The following MMRN2 variants were observed in gnomAD, a reference collection of about 807,000 sequenced individuals.
MMRN2 encodes multimerin 2.
Under a neutral mutation model 68.8 loss-of-function variants are expected in MMRN2, and 53 were observed. That is an observed-to-expected ratio of 0.77 (90% CI 0.62 to 0.97). The LOEUF (loss-of-function observed/expected upper bound fraction) is 0.97. MMRN2 is among the 50% of genes least tolerant of loss of function. The pLI is 0.00. For missense variants in MMRN2, 1,266 were observed against 1,259.5 expected (o/e 1.01, Z -0.08); for synonymous variants, 564 against 551.6 (o/e 1.02, Z -0.32).
Position 86,943,667 on chromosome 10 carries a change from G to T in MMRN2, c.1117C>A (p.Leu373Met). ...GAGAGGTTCCTCTGCAGCTGGCCCAGCCTGGCCTGCAGGCTGTCCGGCTCA... is the reference window on the plus strand; with the variant it reads ...GAGAGGTTCCTCTGCAGCTGGCCCATCCTGGCCTGCAGGCTGTCCGGCTCA... Reference protein sequence around the residue: ...RPEPDSLQARLGQLQRNLSEL... With the variant: ...RPEPDSLQARMGQLQRNLSEL... The change falls in exon 6 of 7, where the codon CTG (leucine) becomes ATG (methionine). Residue 373 changes from leucine to methionine, a missense_variant. Transcript: ENST00000372027. This position sits in a 1 kb window ranked among gnomAD's most constrained non-coding sequence, Gnocchi z 4.2. 1 of 1,612,014 alleles carries T rather than the reference G, an allele frequency of 6.2e-7. No individual in the cohort carries two copies. Among genetic ancestry groups the T allele is most frequent in the South Asian group, 1.1e-5 (1 of 91,076 alleles).
intron 6 of MMRN2, among the ~76,000 whole-genome samples, chr10:86,939,816 TGTGTG>T: frequency 7.3e-6 from 1 of 136,592 alleles, no homozygotes; most frequent in South Asian, 2.4e-4. Context: ...GGTGTGTGTG[TGTGTG>T]TGTGTGTGTG....
chr10:86,943,773 C>G lies in MMRN2; in HGVS notation c.1011G>C (p.Leu337Phe). 3.1e-6 allele frequency: 5 copies of G among 1,608,702 alleles called. No individual in the cohort carries two copies. Among genetic ancestry groups the G allele is most frequent in the Non-Finnish European group, 4.2e-6 (5 of 1,179,908 alleles). The change falls in exon 6 of 7, where the codon TTG becomes TTC. Residue 337 changes from leucine (L) to phenylalanine (F), a missense_variant. By Grantham distance (22) the Leu-to-Phe change is conservative. Transcript: ENST00000372027. The surrounding 1 kb of genome is among the most constrained non-coding windows in gnomAD (Gnocchi z 4.2). The part of the protein sequence containing the change: ...SELQADVDTK[L>F]KRLHKAQEAP... ...CCTCCTGAGCCTTGTGCAGCCTCTT[C>G]AATTTGGTGTCCACATCGGCTTGGA...
Position 86,943,289 on chromosome 10 carries a change from A to C in MMRN2, c.1495T>G (p.Leu499Val). 3 of 1,613,606 alleles carry C rather than the reference A, an allele frequency of 1.9e-6. No individual in the cohort carries two copies. The highest frequency in any genetic ancestry group is 2.5e-6 in the Non-Finnish European group (3 of 1,179,990). The change falls in exon 6 of 7, where the codon TTA (leucine) becomes GTA (valine). Residue 499 changes from leucine to valine, a missense_variant. Leu to Val is a conservative substitution (Grantham distance 32). Transcript: ENST00000372027. The surrounding 1 kb of genome is among the most constrained non-coding windows in gnomAD (Gnocchi z 4.2). ...VKDCNCQKLY[L>V]DLDVIREGQR... Reference sequence around the variant, plus strand: ...CCCTCCCGGATGACGTCCAGGTCTAAATAGAGCTTCTGGCAATTGCAGTCC... The same window carrying C: ...CCCTCCCGGATGACGTCCAGGTCTACATAGAGCTTCTGGCAATTGCAGTCC...
rs1280479864 is a variant in MMRN2 at position 86,942,683 on chromosome 10, G to A, written c.2101C>T (p.Leu701Phe). The A allele has an allele frequency of 1.3e-6, 2 of 1,581,900 alleles. No homozygotes were observed. Among genetic ancestry groups the A allele is most frequent in the South Asian group, 1.1e-5 (1 of 89,330 alleles). ...TTGACGTCGTTGCTCAGGCTCTGGA[G>A]CTCCCGCGCCAGCCCGGCCAGGGCG... Reference protein sequence around the residue: ...TTALAGLARELQSLSNDVKNV... With the variant: ...TTALAGLAREFQSLSNDVKNV... Residue 701 changes from leucine to phenylalanine, a missense_variant, in exon 6 of 7, where the codon CTC becomes TTC. By Grantham distance (22) the Leu-to-Phe change is conservative (BLOSUM62 0). Coordinates refer to ENST00000372027, the MANE Select transcript of MMRN2 (RefSeq NM_024756.3).
chr10:86,943,868 G>A lies in MMRN2; in HGVS notation c.916C>T (p.Gln306Ter), dbSNP rs755210826. 1.2e-6 allele frequency: 2 copies of A among 1,613,848 alleles called. No homozygotes were observed. ...CGGTCCTCCACGTCCTGTCGCAGCT[G>A]ACCCACTCTCTGAGTGTTCTCCTGG... ...KVQENTQRVG[Q>*]LRQDVEDRLH... The change falls in exon 6 of 7, where the codon CAG (glutamine) becomes TAG (stop). Residue 306 changes from glutamine (Q) to a stop codon, truncating the protein, a stop_gained. Transcript: ENST00000372027. LOFTEE classifies it high-confidence loss of function. The surrounding 1 kb of genome is among the most constrained non-coding windows in gnomAD (Gnocchi z 4.2).
chr10:86,942,864 G>A lies in MMRN2; in HGVS notation c.1920C>T (p.Ala640=). Residue 640 remains alanine, a synonymous_variant, in exon 6 of 7, where the codon GCC becomes GCT. Transcript: ENST00000372027. Reference sequence around the variant, plus strand: ...GCAGCCCGCTAGCGGCGTCCTGCAGGGCCACGCGGATCTGCTCGTAGCTCA... The same window carrying A: ...GCAGCCCGCTAGCGGCGTCCTGCAGAGCCACGCGGATCTGCTCGTAGCTCA... ...LPLSYEQIRV[A]LQDAASGLQE... 7.1e-7 allele frequency: 1 copy of A among 1,414,126 alleles called. No individual in the cohort carries two copies. Among genetic ancestry groups the A allele is most frequent in the Non-Finnish European group, 9.2e-7 (1 of 1,084,280 alleles). 87.6% of individuals were successfully genotyped at this position (1,414,126 alleles called of 1,614,324 possible). A position where few individuals can be genotyped will look rare whatever the true frequency, so the allele number is the denominator to read the frequency against.
In MMRN2 at chr10:86,943,781, T is replaced by C. The variant is rs752626400; in HGVS notation, c.1003A>G (p.Thr335Ala). Residue 335 changes from threonine (T) to alanine (A), a missense_variant, in exon 6 of 7, where the codon ACC becomes GCC. Transcript: ENST00000372027. The surrounding 1 kb of genome is among the most constrained non-coding windows in gnomAD (Gnocchi z 4.2). ...GCCTTGTGCAGCCTCTTCAATTTGG[T>C]GTCCACATCGGCTTGGAGCTCTGAG... ...SISELQADVD[T>A]KLKRLHKAQE... 41 of 1,608,972 alleles carry C rather than the reference T, an allele frequency of 2.5e-5. No homozygotes were observed. The East Asian group carries it at 9.1e-4, about 36-fold the overall frequency.
intron 6 of MMRN2, among the ~76,000 whole-genome samples, chr10:86,941,827 G>GA (rs1386112769): frequency 4.2e-4 from 57 of 135,264 alleles, no homozygotes; most frequent in East Asian, 6.2e-4. Context: ...AAAAGAAAAA[G>GA]AAAAAAAAAA....
rs948846750 is a variant in MMRN2, at chr10:86,955,741, G to A, written c.164+1637C>T. Among the ~76,000 whole-genome samples the A allele has an allele frequency of 3.9e-5, 6 of 152,322 alleles. No homozygotes were observed. In the East Asian group the frequency reaches 9.7e-4, roughly 25 times the overall value. On this transcript the variant is annotated intron_variant, in intron 1 of 6. Transcript: ENST00000372027. Reference sequence around the variant, plus strand: ...CTTCCTTTCTCACCAGCCCATCCGGGTTTGGTGAGAGAGCATGGACTTGCC... The same window carrying A: ...CTTCCTTTCTCACCAGCCCATCCGGATTTGGTGAGAGAGCATGGACTTGCC...
At chr10:86,937,442 C>CA (rs1189882606) in intron 6 of MMRN2, among the ~76,000 whole-genome samples, 1 of 142,536 alleles carries the variant, frequency 7.0e-6, no homozygotes, top group African/African-American at 2.5e-5. Context: ...GGTCATGACT[C>CA]ACTGCAGCCC....
At chr10:86,945,917 C>G in intron 1 of MMRN2, 4 of 1,271,666 alleles carry the variant, frequency 3.1e-6, no homozygotes, top group Non-Finnish European at 4.1e-6. Context: ...CCCGAAGCCT[C>G]CCCGAGCCAG....
intron 1 of MMRN2, among the ~76,000 whole-genome samples, chr10:86,955,897 C>T (rs899738153): frequency 4.6e-5 from 7 of 152,266 alleles, no homozygotes; most frequent in Admixed American, 2.6e-4. Flanking sequence ...AGAAGGACTG[C>T]GGGGCCCCTG....
In MMRN2 at chr10:86,936,768, C is replaced by A; in HGVS notation, c.2825G>T (p.Gly942Val). The change falls in exon 7 of 7, where the codon GGG becomes GTG. Residue 942 changes from glycine (G) to valine (V), a missense_variant. Transcript: ENST00000372027. ...TKRSLSGTAF[G>V]GFLMFKT ...TCAGGTCTTAAACATCAGGAAGCCC[C>A]CAAATGCAGTGCCCGACAGGCTTCT... is the stretch of plus-strand genomic sequence containing the variant. 6.2e-7 allele frequency: 1 copy of A among 1,614,150 alleles called. No individual in the cohort carries two copies. Among genetic ancestry groups the A allele is most frequent in the Non-Finnish European group, 8.5e-7 (1 of 1,180,026 alleles).
intron 4 of MMRN2, 147 bp downstream of exon 4, chr10:86,945,041 G>T: frequency 1.5e-6 from 1 of 672,608 alleles, no homozygotes. Flanking sequence ...TTCAAGGTGG[G>T]AGGTGGTACA....
intron 6 of MMRN2, among the ~76,000 whole-genome samples, chr10:86,939,839 T>TTTGTGTGTG (rs1843941862): frequency 8.3e-6 from 1 of 120,290 alleles, no homozygotes; most frequent in African/African-American, 2.9e-5. Context: ...GTGTGTGTGT[T>TTTGTGTGTG]TGTGTGTGTG....
At chr10:86,957,306 G>C in intron 1 of MMRN2, 72 bp downstream of exon 1, 2 of 1,507,956 alleles carry the variant, frequency 1.3e-6, no homozygotes, top group Admixed American at 1.7e-5. Flanking sequence ...GAGGTCTAGA[G>C]AGGCTCTGCT....
rs777135874 is a variant in MMRN2 at position 86,944,329 on chromosome 10, T to A, written c.588A>T (p.Pro196=). The A allele has an allele frequency of 6.2e-7, 1 of 1,613,998 alleles. No homozygotes were observed. Among genetic ancestry groups the A allele is most frequent in the South Asian group, 1.1e-5 (1 of 91,060 alleles). Residue 196 remains proline, a synonymous_variant, in exon 5 of 7, where the codon CCA becomes CCT. Coordinates refer to ENST00000372027, the MANE Select transcript of MMRN2 (RefSeq NM_024756.3). The part of the protein sequence containing the change: ...NDVHRVADSL[P]GLWKALPGNL... ...TACCAGGCAGGGCTTTCCACAGGCC[T>A]GGCAGGCTGTCTGCCACCCGGTGCA...
chr10:86,949,875 C>CAATAATAATAATAAT (rs753050526), intron 1 of MMRN2: 1 of 121,120 alleles, frequency 8.3e-6, no homozygotes, highest in African/African-American at 3.5e-5. Flanking sequence ...GACTCCGTCT[C>CAATAATAATAATAAT]AATAATAATA....
At chr10:86,952,625 G>A (rs759491107) in intron 1 of MMRN2, among the ~76,000 whole-genome samples, 3 of 152,142 alleles carry the variant, frequency 2.0e-5, no homozygotes, top group African/African-American at 7.2e-5. Flanking sequence ...ACAGGGAGTA[G>A]GTCACATGCT....
Sources: allele counts gnomAD v4.1 joint callset (sites outside exome capture counted in the v4.1 genomes callset), GRCh38; gene constraint gnomAD v4.1.1; non-coding constraint Gnocchi (gnomAD v3.1); transcripts MANE v1.5; gene names NCBI Gene and HGNC (gene_info 2026-07-23, HGNC 2026-07-21).